The following KIAA0825 variants were observed in gnomAD, a reference collection of about 807,000 sequenced individuals.
KIAA0825 encodes the protein KIAA0825.
In KIAA0825, 119 loss-of-function variants were observed where a neutral mutation model predicts 147.6. The ratio of observed to expected loss-of-function variants is 0.81; its 90% CI spans 0.69 to 0.94. KIAA0825 has a LOEUF of 0.94. Among genes scored for constraint, KIAA0825 ranks in the 40% least tolerant of loss-of-function variants. KIAA0825 has a pLI of 0.00. For missense variants in KIAA0825, 1,381 were observed against 1,472.7 expected (o/e 0.94, Z 1.02); for synonymous variants, 470 against 518.1 (o/e 0.91, Z 1.26).
Position 94,417,266 on chromosome 5 carries a change from A to G in KIAA0825, c.2597T>C (p.Phe866Ser). The change falls in exon 15 of 21, where the codon TTT becomes TCT. Residue 866 changes from phenylalanine to serine, a missense_variant. Coordinates refer to ENST00000682413, the MANE Select transcript of KIAA0825 (RefSeq NM_001145678.3). ...LYHCSFSPQT[F>S]ANVFVSYMEE... ...CATGTAGCTCACAAAAACGTTTGCAAATGTTTGTGGAGAAAAACTGCAATG... is the reference window on the plus strand; with the variant it reads ...CATGTAGCTCACAAAAACGTTTGCAGATGTTTGTGGAGAAAAACTGCAATG... 1 of 1,551,098 alleles carries G rather than the reference A, an allele frequency of 6.4e-7. No homozygotes were observed. Among genetic ancestry groups the G allele is most frequent in the Non-Finnish European group, 8.7e-7 (1 of 1,146,584 alleles).
At chr5:94,564,239 C>G (rs1224870239) in intron 2 of KIAA0825, among the ~76,000 whole-genome samples, 2 of 117,500 alleles carry the variant, frequency 1.7e-5, no homozygotes, top group African/African-American at 6.5e-5. Context: ...TTTTTGCAGA[C>G]AAGGTCTCAT....
intron 14 of KIAA0825, among the ~76,000 whole-genome samples, chr5:94,425,367 G>C (rs1268800587): frequency 6.6e-6 from 1 of 152,130 alleles, no homozygotes. Flanking sequence ...CACATCAGCA[G>C]AATGAAGAAG....
chr5:94,443,888 G>T (rs907599334), intron 13 of KIAA0825, among the ~76,000 whole-genome samples: 6 of 152,172 alleles, frequency 3.9e-5, no homozygotes, highest in African/African-American at 1.4e-4. Flanking sequence ...TGACCATGGG[G>T]TATATTGTTC....
intron 1 of KIAA0825, chr5:94,592,792 G>T: frequency 2.4e-6 from 1 of 421,886 alleles, no homozygotes; most frequent in South Asian, 2.6e-5. Flanking sequence ...TGTTTGCCTA[G>T]ACTCATTGGT....
chr5:94,154,778 T>G (rs1474936149), intron 20 of KIAA0825, among the ~76,000 whole-genome samples: 1 of 152,156 alleles, frequency 6.6e-6, no homozygotes, highest in East Asian at 1.9e-4. Flanking sequence ...CATACAAATA[T>G]AATCTTGCAA....
At chr5:94,501,287 A>C (rs1373732925) in intron 5 of KIAA0825, among the ~76,000 whole-genome samples, 2 of 152,232 alleles carry the variant, frequency 1.3e-5, no homozygotes, top group Non-Finnish European at 2.9e-5. Flanking sequence ...GTATATATGT[A>C]TATGTTTTAA....
At chr5:94,538,343 A>G (rs1342969274) in intron 2 of KIAA0825, among the ~76,000 whole-genome samples, 3 of 152,198 alleles carry the variant, frequency 2.0e-5, no homozygotes, top group East Asian at 3.8e-4. Flanking sequence ...TGCAGAAGCT[A>G]TGGGGAAAGA....
intron 20 of KIAA0825, among the ~76,000 whole-genome samples, chr5:94,205,797 T>G (rs1176121550): frequency 6.6e-6 from 1 of 152,144 alleles, no homozygotes; most frequent in East Asian, 1.9e-4. Context: ...ACGCACCTGA[T>G]TTTCCCCTAT....
At chr5:94,607,935 T>C (rs1327997149) in intron 1 of KIAA0825, among the ~76,000 whole-genome samples, 2 of 152,206 alleles carry the variant, frequency 1.3e-5, no homozygotes, top group Non-Finnish European at 2.9e-5. Flanking sequence ...CACTGCATTA[T>C]TCAGATTTCT....
intron 9 of KIAA0825, 131 bp downstream of exon 9, chr5:94,471,335 G>T: frequency 2.0e-6 from 2 of 1,008,176 alleles, no homozygotes; most frequent in Non-Finnish European, 1.4e-6. Flanking sequence ...TAAGACAAAT[G>T]AAAATAATTC....
At chr5:94,565,024 CTCTCTT>C (rs1429250087) in intron 2 of KIAA0825, among the ~76,000 whole-genome samples, 3 of 135,354 alleles carry the variant, frequency 2.2e-5, no homozygotes, top group African/African-American at 5.8e-5. Context: ...CTCTCTCTCT[CTCTCTT>C]TCTTTCCTCT....
At chr5:94,548,480 G>A (rs769244724) in intron 2 of KIAA0825, among the ~76,000 whole-genome samples, 6 of 152,032 alleles carry the variant, frequency 3.9e-5, no homozygotes, top group Non-Finnish European at 8.8e-5. Flanking sequence ...CTAAAAGCAA[G>A]AGAGGAAGGA....
intron 20 of KIAA0825, among the ~76,000 whole-genome samples, chr5:94,172,362 T>C (rs953109454): frequency 1.3e-5 from 2 of 152,238 alleles, no homozygotes; most frequent in African/African-American, 2.4e-5. Flanking sequence ...TAGTTGCTTA[T>C]ATAGTGTAAC....
intron 20 of KIAA0825, 66 bp from the exon 21 acceptor site, chr5:94,154,190 C>G: frequency 1.0e-6 from 1 of 984,510 alleles, no homozygotes; most frequent in Non-Finnish European, 1.6e-6. Flanking sequence ...CTCAGTTAAT[C>G]AAGTCTTGAA....
intron 3 of KIAA0825, among the ~76,000 whole-genome samples, chr5:94,528,185 T>C (rs1397550199): frequency 6.6e-6 from 1 of 152,174 alleles, no homozygotes; most frequent in Non-Finnish European, 1.5e-5. Context: ...CTCATACGTA[T>C]CCTTTCCTTT....
chr5:94,549,181 AC>A (rs1227579544), intron 2 of KIAA0825, among the ~76,000 whole-genome samples: 1 of 152,170 alleles, frequency 6.6e-6, no homozygotes, highest in East Asian at 1.9e-4. Context: ...TTAAGGAAAG[AC>A]CATACGGTAG....
intron 2 of KIAA0825, among the ~76,000 whole-genome samples, chr5:94,538,133 T>C (rs935233585): frequency 6.6e-6 from 1 of 152,214 alleles, no homozygotes; most frequent in African/African-American, 2.4e-5. Context: ...GTTTTTATTC[T>C]AGTGGGGAAG....
chr5:94,251,850 G>A (rs571558263), intron 20 of KIAA0825, among the ~76,000 whole-genome samples: 2 of 151,940 alleles, frequency 1.3e-5, no homozygotes, highest in South Asian at 4.1e-4. Flanking sequence ...CTGAAAACAG[G>A]TATTAAATAT....
intron 20 of KIAA0825, among the ~76,000 whole-genome samples, chr5:94,347,260 T>C (rs892132751): frequency 5.9e-5 from 9 of 152,222 alleles, no homozygotes; most frequent in African/African-American, 2.2e-4. Flanking sequence ...TCGGGAGTTC[T>C]AGGGCTCCGC....
Sources: gnomAD v4.1 joint callset for allele counts (sites outside exome capture counted in the v4.1 genomes callset) on GRCh38, gnomAD v4.1.1 for gene constraint, MANE v1.5 for transcripts, NCBI Gene and HGNC (gene_info 2026-07-23, HGNC 2026-07-21) for gene names.